KIAA0232: variants seen among roughly 807,000 people sequenced by gnomAD.
KIAA0232 encodes the protein KIAA0232, also known as uncharacterized protein KIAA0232.
KIAA0232 carries 27 observed loss-of-function variants against 122.0 expected under a neutral mutation model. That is an observed-to-expected ratio of 0.22 (90% confidence interval 0.16 to 0.31). The LOEUF (loss-of-function observed/expected upper bound fraction) is 0.31, where lower values mean the gene tolerates loss of function less well. KIAA0232 is among the 10% of genes least tolerant of loss of function. The pLI is 1.00. For synonymous variants in KIAA0232, 613 were observed against 587.6 expected (o/e 1.04, Z -0.63); for missense variants, 1,551 against 1,634.2 (o/e 0.95, Z 0.88).
At chr4:6,818,826 A>G (rs909689775) in intron 2 of KIAA0232, among the ~76,000 whole-genome samples, 1 of 152,180 alleles carries the variant, frequency 6.6e-6, no homozygotes, top group Non-Finnish European at 1.5e-5. Flanking sequence ...ACTTCAAACT[A>G]TACTGTAAGG....
chr4:6,799,152 C>G (rs1246386603), intron 1 of KIAA0232, among the ~76,000 whole-genome samples: 1 of 151,840 alleles, frequency 6.6e-6, no homozygotes, highest in East Asian at 1.9e-4. Context: ...TCTTGGCTTG[C>G]ATTGGTACAT....
chr4:6,802,262 C>G (rs1451934809), intron 1 of KIAA0232, among the ~76,000 whole-genome samples: 1 of 152,166 alleles, frequency 6.6e-6, no homozygotes, highest in Non-Finnish European at 1.5e-5. Context: ...CCTGTACGCT[C>G]TCTGAGTCAG....
chr4:6,854,126 G>C (rs1444150355), intron 4 of KIAA0232, among the ~76,000 whole-genome samples: 1 of 152,170 alleles, frequency 6.6e-6, no homozygotes, highest in Non-Finnish European at 1.5e-5. Flanking sequence ...AGACATTTTT[G>C]AAGTGATGAA....
In KIAA0232 at chr4:6,832,340, A is replaced by AAGTTGG. The variant is rs147750858; in HGVS notation, c.231+7657_231+7662dup. Among the ~76,000 whole-genome samples, 416 of 147,962 alleles carry AAGTTGG rather than the reference A, an allele frequency of 2.8e-3. 2 individuals carry two copies. The highest frequency in any genetic ancestry group is 9.8e-3 in the African/African-American group (396 of 40,554). On this transcript the variant is annotated intron_variant, in intron 3 of 9. Transcript: ENST00000307659. The stretch of plus-strand genomic sequence containing the variant: ...CCCCTACTGGCATATGTAATTCATG[A>AAGTTGG]AGTTGGGGCCTTTTTTTTTTTTTTT...
intron 3 of KIAA0232, among the ~76,000 whole-genome samples, chr4:6,825,850 C>T (rs571339852): frequency 1.1e-4 from 16 of 152,272 alleles, no homozygotes; most frequent in African/African-American, 3.6e-4. Context: ...ACACTGAGAG[C>T]AGGAAGGGTT....
chr4:6,793,957 G>A (rs780722599), intron 1 of KIAA0232, among the ~76,000 whole-genome samples: 4 of 152,144 alleles, frequency 2.6e-5, no homozygotes, highest in Admixed American at 1.3e-4. Flanking sequence ...TGTTCTTTCC[G>A]CTTCCCTACT....
Position 6,824,481 on chromosome 4 carries a change from G to A in KIAA0232, c.28G>A (p.Asp10Asn). MYPICTVVV[D>N]GLPSESSSSS... ...GTACCCTATCTGTACAGTTGTTGTG[G>A]ATGGTTTGCCATCTGAAAGCTCCTC... Residue 10 changes from aspartate (D) to asparagine (N), a missense_variant, in exon 3 of 10, where the codon GAT becomes AAT. Asp to Asn is a conservative substitution (Grantham distance 23). Transcript: ENST00000307659. 1.9e-6 allele frequency: 3 copies of A among 1,614,180 alleles called. No homozygotes were observed. Among genetic ancestry groups the A allele is most frequent in the Non-Finnish European group, 2.5e-6 (3 of 1,180,014 alleles).
At chr4:6,859,100 TAAAAA>T (rs34866239) in intron 6 of KIAA0232, among the ~76,000 whole-genome samples, 1 of 106,294 alleles carries the variant, frequency 9.4e-6, no homozygotes, top group Non-Finnish European at 1.9e-5. Flanking sequence ...TCTGTCTTAT[TAAAAA>T]AAAAAAAAAA....
chr4:6,786,763 T>C (rs1716638471), intron 1 of KIAA0232, among the ~76,000 whole-genome samples: 1 of 152,256 alleles, frequency 6.6e-6, no homozygotes, highest in Admixed American at 6.5e-5. Context: ...AAGTAAAAAC[T>C]GTCATCTTTC....
chr4:6,824,756 C>G, intron 3 of KIAA0232, 72 bp downstream of exon 3: 1 of 1,266,918 alleles, frequency 7.9e-7, no homozygotes, highest in Non-Finnish European at 1.1e-6. Flanking sequence ...TAAACAAGCA[C>G]TTTTATACTT....
rs574541961 is a variant in KIAA0232 at position 6,831,050 on chromosome 4, AATTT to A, written c.231+6378_231+6381del. 2.0e-4 allele frequency among the ~76,000 whole-genome samples: 30 copies of A among 151,518 alleles called. 1 individual carries two copies. The South Asian group carries it at 6.3e-3, about 32-fold the overall frequency. On this transcript the variant is annotated intron_variant, in intron 3 of 9. Coordinates refer to ENST00000307659, the MANE Select transcript of KIAA0232 (RefSeq NM_014743.3). Reference sequence around the variant, plus strand: ...TTTTTTTTTATTTTTTATTTTTTAAAATTTATTTATTTATTATTTTTTTGAGACG... The same window carrying A: ...TTTTTTTTTATTTTTTATTTTTTAAAATTTATTTATTATTTTTTTGAGACG...
chr4:6,857,145 T>G lies in KIAA0232; in HGVS notation c.370-19T>G. ...ACATACCTGGCTGTAACCTAATGTG[T>G]CTTTTTGTTGTCATGCAGAGCTCTG... On this transcript the variant is annotated intron_variant, in intron 4 of 9. Transcript: ENST00000307659. 1 of 1,584,770 alleles carries G rather than the reference T, an allele frequency of 6.3e-7. No homozygotes were observed. The highest frequency in any genetic ancestry group is 1.1e-5 in the South Asian group (1 of 87,356).
intron 1 of KIAA0232, among the ~76,000 whole-genome samples, chr4:6,802,353 C>T (rs980996787): frequency 1.3e-5 from 2 of 152,164 alleles, no homozygotes; most frequent in African/African-American, 4.8e-5. Context: ...AAGGGGCTGA[C>T]GGAGCACTCC....
intron 3 of KIAA0232, among the ~76,000 whole-genome samples, chr4:6,831,055 A>T (rs1169158614): frequency 1.3e-5 from 2 of 151,202 alleles, no homozygotes; most frequent in Admixed American, 1.3e-4. Flanking sequence ...TTTAAAATTT[A>T]TTTATTTATT....
At chr4:6,867,522 G>T (rs192567276) in intron 7 of KIAA0232, among the ~76,000 whole-genome samples, 3 of 152,166 alleles carry the variant, frequency 2.0e-5, no homozygotes, top group African/African-American at 4.8e-5. Context: ...TGTTCTTGTC[G>T]TTTCTTTGGT....
intron 3 of KIAA0232, among the ~76,000 whole-genome samples, chr4:6,831,363 G>A (rs972915519): frequency 2.6e-5 from 4 of 152,100 alleles, no homozygotes; most frequent in African/African-American, 9.7e-5. Flanking sequence ...CGATTTTGTT[G>A]TCTTTTTCTA....
intron 1 of KIAA0232, among the ~76,000 whole-genome samples, chr4:6,792,781 C>T (rs1335634376): frequency 6.6e-6 from 1 of 151,500 alleles, no homozygotes; most frequent in African/African-American, 2.4e-5. Context: ...GCTCCGCCTC[C>T]TGGGTTCACG....
At chr4:6,801,690 GAGAA>G (rs1717391892) in intron 1 of KIAA0232, among the ~76,000 whole-genome samples, 2 of 151,734 alleles carry the variant, frequency 1.3e-5, no homozygotes, top group Non-Finnish European at 2.9e-5. Context: ...AAAAAAAAAA[GAGAA>G]AGGTGCTATT....
At position 6,861,692 on chromosome 4, in the gene KIAA0232, C is replaced by T. The variant is rs2108798591; in HGVS notation, c.1310C>T (p.Ala437Val). The change falls in exon 7 of 10, where the codon GCA becomes GTA. Residue 437 changes from alanine to valine, a missense_variant. Ala to Val is a moderately conservative substitution (Grantham distance 64). Coordinates refer to ENST00000307659, the MANE Select transcript of KIAA0232 (RefSeq NM_014743.3). ...GATACAAGTGATCTGACATCAGAGGCAGTGGAAGAATTGTCTGAATCAGTG... is the reference window on the plus strand; with the variant it reads ...GATACAAGTGATCTGACATCAGAGGTAGTGGAAGAATTGTCTGAATCAGTG... ...RQDTSDLTSE[A>V]VEELSESVHG... The T allele has an allele frequency of 6.2e-7, 1 of 1,614,078 alleles. No homozygotes were observed. The highest frequency in any genetic ancestry group is 8.5e-7 in the Non-Finnish European group (1 of 1,180,016).
Sources: allele counts gnomAD v4.1 joint callset (sites outside exome capture counted in the v4.1 genomes callset), GRCh38; gene constraint gnomAD v4.1.1; transcripts MANE v1.5; gene names NCBI Gene and HGNC (gene_info 2026-07-23, HGNC 2026-07-21).